TOGARAM2: variants seen among roughly 807,000 people sequenced by gnomAD.
TOGARAM2 encodes TOG array regulator of axonemal microtubules protein 2.
In TOGARAM2, 85 loss-of-function variants were observed where a neutral mutation model predicts 93.3. The ratio of observed to expected loss-of-function variants is 0.91; its 90% CI spans 0.76 to 1.09. The LOEUF (loss-of-function observed/expected upper bound fraction) is 1.09, where lower values mean the gene tolerates loss of function less well. Ranked by LOEUF, TOGARAM2 falls within the 50% of genes least tolerant of loss-of-function variation. TOGARAM2 has a pLI of 0.00. For synonymous variants in TOGARAM2, 593 were observed against 552.8 expected, an observed-to-expected ratio of 1.07 and a Z score of -1.02; for missense variants, 1,277 against 1,334.5, an observed-to-expected ratio of 0.96 and a Z score of 0.67.
intron 18 of TOGARAM2, among the ~76,000 whole-genome samples, chr2:29,043,602 T>C (rs1187588460): frequency 6.6e-6 from 1 of 152,230 alleles, no homozygotes; most frequent in Non-Finnish European, 1.5e-5. Flanking sequence ...TGCCCTCACC[T>C]ACCTGACAGG....
At chr2:28,975,252 G>A (rs11680009) in intron 1 of TOGARAM2, among the ~76,000 whole-genome samples, 27,019 of 151,644 alleles carry the variant, frequency 0.18, 2,606 homozygotes, top group East Asian at 0.3. Flanking sequence ...GCAGTGGTGC[G>A]ATCTTGGCTC....
At chr2:29,034,843 C>T (rs559608193) in intron 16 of TOGARAM2, among the ~76,000 whole-genome samples, 8 of 152,260 alleles carry the variant, frequency 5.3e-5, no homozygotes, top group African/African-American at 1.9e-4. Flanking sequence ...GGTCTTTCCC[C>T]ACTCTTACAT....
chr2:28,957,409 G>T (rs1029892318), intron 1 of TOGARAM2, among the ~76,000 whole-genome samples: 2 of 152,120 alleles, frequency 1.3e-5, no homozygotes, highest in Non-Finnish European at 2.9e-5. Context: ...TCCAACTCCT[G>T]ACCTCAGGTG....
intron 1 of TOGARAM2, among the ~76,000 whole-genome samples, chr2:28,958,919 C>T (rs1232815302): frequency 6.6e-6 from 1 of 152,196 alleles, no homozygotes; most frequent in Admixed American, 6.5e-5. Context: ...GCTTTCTGCG[C>T]GCCAGCCCTC....
At chr2:29,038,671 C>G (rs1177584441) in intron 18 of TOGARAM2, among the ~76,000 whole-genome samples, 3 of 152,036 alleles carry the variant, frequency 2.0e-5, no homozygotes, top group Admixed American at 2.0e-4. Flanking sequence ...TCTTGAACTC[C>G]TGACCTCAGG....
At chr2:28,979,446 A>G (rs115026900), upstream of TOGARAM2, among the ~76,000 whole-genome samples, 507 of 152,286 alleles carry the variant, frequency 3.3e-3, 1 homozygote, top group Middle Eastern at 0.02. Context: ...CATTGCTGGG[A>G]TCAGAATCCA....
chr2:29,016,037 C>T (rs985801577), intron 8 of TOGARAM2, among the ~76,000 whole-genome samples: 3 of 152,316 alleles, frequency 2.0e-5, no homozygotes, highest in African/African-American at 7.2e-5. Context: ...CTCAATATCT[C>T]TGCTTAAGTG....
rs936491921 is a variant in TOGARAM2 at position 29,017,950 on chromosome 2, G to C, written c.1354G>C (p.Ala452Pro). 1.9e-6 allele frequency: 3 copies of C among 1,601,944 alleles called. No individual in the cohort carries two copies. The highest frequency in any genetic ancestry group is 1.7e-5 in the Admixed American group (1 of 59,222). ...GCAGGAGCCCCGCTTTGCCCGCCAC[G>C]CCTCAGGTGGGCAGGCCCGACTGGC... Reference protein sequence around the residue: ...SRQEPRFARHASANSLPAVLT... With the variant: ...SRQEPRFARHPSANSLPAVLT... The change falls in exon 10 of 20, where the codon GCC becomes CCC. Residue 452 changes from alanine to proline, a missense_variant. By Grantham distance (27) the Ala-to-Pro change is conservative. Coordinates refer to ENST00000379558, the MANE Select transcript of TOGARAM2 (RefSeq NM_199280.4).
intron 11 of TOGARAM2, among the ~76,000 whole-genome samples, chr2:29,022,836 G>T (rs1345127296): frequency 6.6e-6 from 1 of 152,186 alleles, no homozygotes; most frequent in Non-Finnish European, 1.5e-5. Context: ...CTGGAGGGGG[G>T]TGGGCTTCCA....
intron 6 of TOGARAM2, 59 bp downstream of exon 6, chr2:29,003,741 C>CT: frequency 7.4e-7 from 1 of 1,353,864 alleles, no homozygotes; most frequent in Non-Finnish European, 9.7e-7. Context: ...CCCCTGAGAT[C>CT]CACTGGGGCT....
intron 3 of TOGARAM2, among the ~76,000 whole-genome samples, chr2:28,998,772 G>A (rs13003236): frequency 0.33 from 49,853 of 152,026 alleles, 9,012 homozygotes; most frequent in East Asian, 0.76. Context: ...GGGGGTGGGG[G>A]TGATTTGCTC....
intron 3 of TOGARAM2, 101 bp from the exon 4 acceptor site, chr2:28,999,080 G>T: frequency 1.6e-6 from 2 of 1,241,358 alleles, no homozygotes; most frequent in South Asian, 3.1e-5. Flanking sequence ...CACCAGGCAA[G>T]TGGCTGCCTG....
At position 29,017,141 on chromosome 2, in the gene TOGARAM2, G is replaced by C; in HGVS notation, c.1045-13G>C. ...ATGGGAGGTTAATAGAGTTTGCCTT[G>C]ACCTTGTGCCAGATCCAAGTCACCA... On this transcript the variant is annotated splice_polypyrimidine_tract_variant and intron_variant, in intron 8 of 19. Coordinates refer to ENST00000379558, the MANE Select transcript of TOGARAM2 (RefSeq NM_199280.4). The C allele has an allele frequency of 1.2e-6, 2 of 1,610,776 alleles. No homozygotes were observed. Among genetic ancestry groups the C allele is most frequent in the Non-Finnish European group, 1.7e-6 (2 of 1,178,722 alleles).
chr2:28,997,336 C>G (rs1212013139), intron 2 of TOGARAM2, among the ~76,000 whole-genome samples: 1 of 152,242 alleles, frequency 6.6e-6, no homozygotes, highest in Admixed American at 6.5e-5. Flanking sequence ...ACTTCCCCTC[C>G]TCTTTCCTGA....
chr2:28,993,789 G>A (rs1309669112), intron 1 of TOGARAM2, among the ~76,000 whole-genome samples: 1 of 152,228 alleles, frequency 6.6e-6, no homozygotes, highest in Non-Finnish European at 1.5e-5. Context: ...TGGGGCCTGG[G>A]TGGGGCAGTG....
upstream of TOGARAM2, among the ~76,000 whole-genome samples, chr2:28,978,727 A>C (rs1201923003): frequency 6.6e-6 from 1 of 152,094 alleles, no homozygotes; most frequent in African/African-American, 2.4e-5. Flanking sequence ...AGTCAGTTTA[A>C]TTCATTCACA....
chr2:28,992,996 G>T (rs887869127), intron 1 of TOGARAM2, among the ~76,000 whole-genome samples: 1 of 151,118 alleles, frequency 6.6e-6, no homozygotes, highest in Non-Finnish European at 1.5e-5. Context: ...GGAAGTGGAG[G>T]TTGCAGTGAG....
At chr2:29,002,480 C>T in intron 4 of TOGARAM2, 56 bp from the exon 5 acceptor site, 3 of 1,518,778 alleles carry the variant, frequency 2.0e-6, no homozygotes, top group Non-Finnish European at 2.7e-6. Context: ...CTGAATCCAC[C>T]TTCCACTCCC....
chr2:29,012,877 T>C (rs531907639), intron 7 of TOGARAM2, among the ~76,000 whole-genome samples: 1 of 152,314 alleles, frequency 6.6e-6, no homozygotes, highest in African/African-American at 2.4e-5. Context: ...TGCCCTCTGC[T>C]CTGCCTCTTA....
Sources: allele counts gnomAD v4.1 joint callset (sites outside exome capture counted in the v4.1 genomes callset), GRCh38; gene constraint gnomAD v4.1.1; transcripts MANE v1.5; gene names NCBI Gene and HGNC (gene_info 2026-07-23, HGNC 2026-07-21).